The following HGD variants were observed in gnomAD, a reference collection of about 807,000 sequenced individuals.
HGD encodes the protein homogentisate 1,2-dioxygenase.
HGD carries 61 observed loss-of-function variants against 60.8 expected under a neutral mutation model. That is an observed-to-expected ratio of 1.00 (90% CI 0.82 to 1.24). The LOEUF (loss-of-function observed/expected upper bound fraction) is 1.24. HGD is among the 50% of genes most tolerant of loss of function. The pLI, the probability that HGD is intolerant of heterozygous loss-of-function variation, is 0.00. For missense variants in HGD, 542 were observed against 547.1 expected, an observed-to-expected ratio of 0.99 and a Z score of 0.09; for synonymous variants, 212 against 187.7, an observed-to-expected ratio of 1.13 and a Z score of -1.06.
intron 4 of HGD, among the ~76,000 whole-genome samples, chr3:120,666,887 G>C (rs1707910471): frequency 6.6e-6 from 1 of 152,116 alleles, no homozygotes; most frequent in Non-Finnish European, 1.5e-5. Flanking sequence ...TGGTCAAAAT[G>C]TATGTCAACT....
chr3:120,658,935 A>C (rs1941579059), intron 4 of HGD, among the ~76,000 whole-genome samples: 1 of 152,240 alleles, frequency 6.6e-6, no homozygotes, highest in African/African-American at 2.4e-5. Context: ...TGCAGAAAAC[A>C]GTGTCCTGAG....
chr3:120,640,163 A>T (rs974472597), intron 11 of HGD, among the ~76,000 whole-genome samples: 1 of 148,748 alleles, frequency 6.7e-6, no homozygotes, highest in Non-Finnish European at 1.5e-5. Context: ...GGAAGGAAGG[A>T]AGGAGCATAT....
chr3:120,648,427 G>T (rs1941232231), intron 6 of HGD, among the ~76,000 whole-genome samples: 1 of 152,216 alleles, frequency 6.6e-6, no homozygotes, highest in South Asian at 2.1e-4. Context: ...GGCCTCCAGA[G>T]CCTTGTCATA....
intron 1 of HGD, among the ~76,000 whole-genome samples, chr3:120,680,641 G>A (rs1353609972): frequency 6.6e-6 from 1 of 152,094 alleles, no homozygotes; most frequent in Non-Finnish European, 1.5e-5. Context: ...TCCTACCACT[G>A]ACATCATGAC....
intron 4 of HGD, among the ~76,000 whole-genome samples, chr3:120,664,396 TTTCTTTCTTTCC>T (rs1478857506): frequency 1.3e-5 from 2 of 151,956 alleles, no homozygotes; most frequent in African/African-American, 4.8e-5. Context: ...CTTTCTTTTC[TTTCTTTCTTTCC>T]TTCTTTCTTT....
rs1940986017 is a variant in HGD, at chr3:120,641,665, C to T, written c.803G>A (p.Trp268Ter). The change falls in exon 11 of 14, where the codon TGG becomes TAG. Residue 268 changes from tryptophan to a stop codon, truncating the protein, a stop_gained. Coordinates refer to ENST00000283871, the MANE Select transcript of HGD (RefSeq NM_000187.4). LOFTEE classifies it high-confidence loss of function. ...QDVSPFNVVA[W>*]HGNYTPYKYN... ...CTTGTAGGGTGTATAATTCCCGTGC[C>T]AGGCCACAACATTGAACGGGGAGAC... is the stretch of plus-strand genomic sequence containing the variant. The T allele has an allele frequency of 6.2e-7, 1 of 1,613,676 alleles. No homozygotes were observed. The highest frequency in any genetic ancestry group is 8.5e-7 in the Non-Finnish European group (1 of 1,179,596).
At chr3:120,646,654 A>C (rs1044543555) in intron 8 of HGD, among the ~76,000 whole-genome samples, 1 of 149,582 alleles carries the variant, frequency 6.7e-6, no homozygotes, top group Non-Finnish European at 1.5e-5. Context: ...ATTTAGCCAC[A>C]CTAAAAAAAA....
chr3:120,651,633 C>T (rs1941344294), intron 5 of HGD, among the ~76,000 whole-genome samples: 1 of 152,190 alleles, frequency 6.6e-6, no homozygotes, highest in Admixed American at 6.5e-5. Context: ...ACAATTTATC[C>T]TATGGCTCGG....
intron 3 of HGD, 169 bp downstream of exon 3, chr3:120,674,732 G>A (rs865818924): frequency 1.6e-6 from 1 of 624,310 alleles, no homozygotes; most frequent in Non-Finnish European, 3.0e-6. Flanking sequence ...GTCACTTGGT[G>A]CTAGCTGGCA....
chr3:120,667,538 T>A (rs2859507), intron 4 of HGD, among the ~76,000 whole-genome samples: 12 of 151,700 alleles, frequency 7.9e-5, no homozygotes, highest in Non-Finnish European at 1.6e-4. Context: ...CAAAGTAGAG[T>A]CACATCACAT....
chr3:120,674,808 T>A (rs538390750), intron 3 of HGD, 93 bp downstream of exon 3: 1 of 839,632 alleles, frequency 1.2e-6, no homozygotes, highest in Non-Finnish European at 2.1e-6. Flanking sequence ...CTTGGGCAGC[T>A]CTGGGAGGCT....
intron 4 of HGD, among the ~76,000 whole-genome samples, chr3:120,660,247 T>G (rs1403537266): frequency 6.6e-6 from 1 of 152,172 alleles, no homozygotes; most frequent in African/African-American, 2.4e-5. Flanking sequence ...AATTTCTTTA[T>G]AGCAGTGCAA....
At chr3:120,679,470 T>C (rs1024668483) in intron 1 of HGD, among the ~76,000 whole-genome samples, 20 of 152,222 alleles carry the variant, frequency 1.3e-4, no homozygotes, top group African/African-American at 4.8e-4. Context: ...TAATGGCTAA[T>C]GGCTCACTCT....
chr3:120,646,163 G>A (rs1862942), intron 9 of HGD, 104 bp downstream of exon 9: 90,468 of 794,582 alleles, frequency 0.11, 7,647 homozygotes, highest in African/African-American at 0.37. Context: ...GAGAAAAGTG[G>A]AAGTTTGAGT....
At chr3:120,636,287 A>AG (rs1395031240) in intron 12 of HGD, among the ~76,000 whole-genome samples, 1 of 151,922 alleles carries the variant, frequency 6.6e-6, no homozygotes, top group African/African-American at 2.4e-5. Context: ...TCTCAAAAAA[A>AG]AAAAAAAGGC....
At chr3:120,674,247 C>T (rs1708080286) in intron 3 of HGD, among the ~76,000 whole-genome samples, 1 of 152,160 alleles carries the variant, frequency 6.6e-6, no homozygotes, top group South Asian at 2.1e-4. Flanking sequence ...CCTCCCAAAA[C>T]TATAACACAT....
intron 10 of HGD, among the ~76,000 whole-genome samples, chr3:120,642,172 A>G (rs1268439206): frequency 6.6e-6 from 1 of 152,088 alleles, no homozygotes; most frequent in Admixed American, 6.6e-5. Flanking sequence ...AAAAGTTCCA[A>G]CTCCAAGGAC....
chr3:120,675,857 A>T lies in HGD; in HGVS notation c.22T>A (p.Ser8Thr). 6.2e-7 allele frequency: 1 copy of T among 1,613,158 alleles called. No homozygotes were observed. The highest frequency in any genetic ancestry group is 2.2e-5 in the East Asian group (1 of 44,872). Residue 8 changes from serine (S) to threonine (T), a missense_variant, in exon 2 of 14, where the codon TCT becomes ACT. This residue lies in a region of HGD where 537 missense variants were observed against 529.1 expected (regional missense o/e 1.01). Coordinates refer to ENST00000283871, the MANE Select transcript of HGD (RefSeq NM_000187.4). The part of the protein sequence containing the change: MAELKYI[S>T]GFGNECSSED... ...GAAGAACACTCATTCCCAAATCCAG[A>T]AATGTACTGTAGGTGACAAAGACAC...
chr3:120,647,297 T>C (rs1941196707), intron 7 of HGD, among the ~76,000 whole-genome samples: 1 of 152,200 alleles, frequency 6.6e-6, no homozygotes, highest in Non-Finnish European at 1.5e-5. Flanking sequence ...ATGCACAATT[T>C]TGTGACATGG....
Sources: allele counts gnomAD v4.1 joint callset (sites outside exome capture counted in the v4.1 genomes callset), GRCh38; gene constraint gnomAD v4.1.1; regional missense constraint gnomAD v4.1.1; transcripts MANE v1.5; gene names NCBI Gene and HGNC (gene_info 2026-07-23, HGNC 2026-07-21).